Variants in ITGB3 observed in about 807,000 individuals in gnomAD.
ITGB3 encodes the protein integrin subunit beta 3.
ITGB3 carries 48 observed loss-of-function variants against 85.8 expected under a neutral mutation model. That is an observed-to-expected ratio of 0.56 (90% CI 0.44 to 0.71). ITGB3 has a LOEUF of 0.71. Among genes scored for constraint, ITGB3 ranks in the 30% least tolerant of loss-of-function variants. The pLI, the probability that ITGB3 is intolerant of heterozygous loss-of-function variation, is 0.00. For synonymous variants in ITGB3, 363 were observed against 395.6 expected, an observed-to-expected ratio of 0.92 and a Z score of 0.98; for missense variants, 861 against 1,019.1, an observed-to-expected ratio of 0.84 and a Z score of 2.11.
intron 1 of ITGB3, 126 bp downstream of exon 1, chr17:47,254,066 T>TC: frequency 1.8e-6 from 1 of 562,464 alleles, no homozygotes; most frequent in Non-Finnish European, 2.6e-6. Flanking sequence ...AATGCGCGTG[T>TC]CCTGGCTGGC....
chr17:47,288,209 A>AGAGAGAGAGAGG (rs2065110901), intron 6 of ITGB3, among the ~76,000 whole-genome samples: 1 of 102,032 alleles, frequency 9.8e-6, no homozygotes, highest in African/African-American at 4.4e-5. Flanking sequence ...TCTTAGAAAG[A>AGAGAGAGAGAGG]GAGAGAGAGA....
Position 47,284,647 on chromosome 17 carries a change from CA to C in ITGB3, c.567del (p.Tyr190ThrfsTer17), listed in dbSNP as rs758289890. The C allele has an allele frequency of 1.9e-6, 3 of 1,614,116 alleles. No individual in the cohort carries two copies. The highest frequency in any genetic ancestry group is 2.5e-6 in the Non-Finnish European group (3 of 1,180,010). ...GCATTTGTGGACAAGCCTGTGTCAC[CA>C]TACATGTATATCTCCCCACCAGAGG... ...FGAFVDKPVSPYMYISPPEAL... is the reference protein window; with the variant it reads ...FGAFVDKPVSXYMYISPPEAL... On this transcript the variant is annotated frameshift_variant, in exon 4 of 15. Transcript: ENST00000559488. LOFTEE classifies it high-confidence loss of function.
intron 1 of ITGB3, among the ~76,000 whole-genome samples, chr17:47,261,030 A>T (rs1183899667): frequency 1.3e-5 from 2 of 152,324 alleles, no homozygotes; most frequent in Non-Finnish European, 2.9e-5. Flanking sequence ...TACGGTTATT[A>T]ACTATAGTCA....
At position 47,256,477 on chromosome 17, in the gene ITGB3, C is replaced by T. The variant is rs111281236; in HGVS notation, c.79+2537C>T. Among the ~76,000 whole-genome samples, 357 of 151,452 alleles carry T rather than the reference C, an allele frequency of 2.4e-3. 2 individuals carry two copies. The highest frequency in any genetic ancestry group is 8.0e-3 in the African/African-American group (330 of 41,350). On this transcript the variant is annotated intron_variant, in intron 1 of 14. Coordinates refer to ENST00000559488, the MANE Select transcript of ITGB3 (RefSeq NM_000212.3). ...AAGTCAGACTTCCAGAGTAATACCC[C>T]CCCCCCCAACCTCACAAATCAGTTT... is the stretch of plus-strand genomic sequence containing the variant.
chr17:47,313,706 T>C lies in ITGB3; in HGVS notation c.*3502T>C, dbSNP rs2065225671. Among the ~76,000 whole-genome samples, 1 of 152,198 alleles carries C rather than the reference T, an allele frequency of 6.6e-6. No homozygotes were observed. The highest frequency in any genetic ancestry group is 1.5e-5 in the Non-Finnish European group (1 of 68,032). On this transcript the variant is annotated 3_prime_UTR_variant, in exon 15 of 15. Transcript: ENST00000559488. ...TCCTAACCACCTTCTCTGTTTGGGTTTGTGCAACAGTAAATTAAATGTACT... is the reference window on the plus strand; with the variant it reads ...TCCTAACCACCTTCTCTGTTTGGGTCTGTGCAACAGTAAATTAAATGTACT...
intron 12 of ITGB3, 56 bp downstream of exon 12, chr17:47,300,634 C>T: frequency 7.6e-7 from 1 of 1,322,078 alleles, no homozygotes; most frequent in Admixed American, 1.9e-5. Flanking sequence ...GTTTCTAATT[C>T]AATCCCAGAA....
At chr17:47,261,432 GT>G (rs938047884) in intron 1 of ITGB3, among the ~76,000 whole-genome samples, 2 of 150,816 alleles carry the variant, frequency 1.3e-5, no homozygotes, top group Non-Finnish European at 3.0e-5. Context: ...TTACTGCAGA[GT>G]TTTTTTCTAT....
intron 2 of ITGB3, among the ~76,000 whole-genome samples, chr17:47,277,245 C>A (rs1326514579): frequency 6.6e-6 from 1 of 152,176 alleles, no homozygotes; most frequent in Non-Finnish European, 1.5e-5. Flanking sequence ...TAGAACCTCC[C>A]AAACTCATTT....
rs138717970 is a variant in ITGB3 at position 47,257,899 on chromosome 17, G to T, written c.79+3959G>T. ...TCTCCTGGGAAGACCATAAGATGGG[G>T]CAAGCACACCACAGTGAGGAGGGGG... On this transcript the variant is annotated intron_variant, in intron 1 of 14. Coordinates refer to ENST00000559488, the MANE Select transcript of ITGB3 (RefSeq NM_000212.3). 1.5e-3 allele frequency among the ~76,000 whole-genome samples: 229 copies of T among 152,278 alleles called. 4 individuals carry two copies. The East Asian group carries it at 0.041, about 27-fold the overall frequency.
At chr17:47,305,734 A>C (rs1322949032) in intron 13 of ITGB3, 1 of 152,210 alleles carries the variant, frequency 6.6e-6, no homozygotes, top group Non-Finnish European at 1.5e-5. Context: ...AAATGTCATT[A>C]GGTTCACAGC....
At chr17:47,284,407 G>T in intron 3 of ITGB3, 36 bp from the exon 4 acceptor site, 1 of 1,613,602 alleles carries the variant, frequency 6.2e-7, no homozygotes, top group South Asian at 1.1e-5. Context: ...CTTGGTGGGA[G>T]AAGAAGATAA....
chr17:47,272,045 T>C (rs1202622256), intron 1 of ITGB3, among the ~76,000 whole-genome samples: 1 of 145,796 alleles, frequency 6.9e-6, no homozygotes, highest in Non-Finnish European at 1.5e-5. Flanking sequence ...ATGAGCCGCC[T>C]CACCGGGGCT....
chr17:47,299,200 G>T lies in ITGB3; in HGVS notation c.1691-108G>T. The T allele has an allele frequency of 9.1e-7, 1 of 1,095,892 alleles. No individual in the cohort carries two copies. The highest frequency in any genetic ancestry group is 2.4e-5 in the East Asian group (1 of 41,004). The allele number at this position is 1,095,892 out of a possible 1,614,324, so 67.9% of individuals were successfully genotyped here. ...TGAGCCAATTCCCTGCCAACCTGGA[G>T]GATCATTATCTGTGTGGTTGGGAGA... On this transcript the variant is annotated intron_variant, in intron 10 of 14. Transcript: ENST00000559488. This position sits in a 1 kb window ranked among gnomAD's most constrained non-coding sequence, Gnocchi z 5.1.
Position 47,290,271 on chromosome 17 carries a change from TG to T in ITGB3, c.1125+1del. The T allele has an allele frequency of 6.2e-7, 1 of 1,613,034 alleles. No individual in the cohort carries two copies. The highest frequency in any genetic ancestry group is 1.3e-5 in the African/African-American group (1 of 75,016). The part of the protein sequence containing the change: ...NVLQLIVDAY[G>X]KIRSKVELEV... ...TCCTCCAGCTCATTGTTGATGCTTA[TG>T]GGGTAAGTGTCTTGTGCTGGGAATA... is the stretch of plus-strand genomic sequence containing the variant. On this transcript the variant is annotated frameshift_variant and splice_region_variant, in exon 8 of 15. Transcript: ENST00000559488. LOFTEE classifies it high-confidence loss of function.
Position 47,265,060 on chromosome 17 carries a change from G to A in ITGB3, c.80-9359G>A, listed in dbSNP as rs567432763. On this transcript the variant is annotated intron_variant, in intron 1 of 14. Transcript: ENST00000559488. Reference sequence around the variant, plus strand: ...ACAGGTAGATGCTCAATGAATATTTGTCGAGTAAATGAATGAATGAATCAA... The same window carrying A: ...ACAGGTAGATGCTCAATGAATATTTATCGAGTAAATGAATGAATGAATCAA... Among the ~76,000 whole-genome samples the A allele has an allele frequency of 2.3e-3, 344 of 152,322 alleles. 1 individual carries two copies. Among genetic ancestry groups the A allele is most frequent in the Middle Eastern group, 0.01 (3 of 294 alleles).
rs2065219844 is a variant in ITGB3 at position 47,312,592 on chromosome 17, G to C, written c.*2388G>C. On this transcript the variant is annotated 3_prime_UTR_variant, in exon 15 of 15. Coordinates refer to ENST00000559488, the MANE Select transcript of ITGB3 (RefSeq NM_000212.3). ...GAGTGTTAATGGGACATTTTCTTTA[G>C]ATAAGATGTTTTATATGAAGAAACT... Among the ~76,000 whole-genome samples the C allele has an allele frequency of 6.6e-6, 1 of 152,180 alleles. No individual in the cohort carries two copies. Among genetic ancestry groups the C allele is most frequent in the African/African-American group, 2.4e-5 (1 of 41,430 alleles).
intron 2 of ITGB3, among the ~76,000 whole-genome samples, chr17:47,280,477 C>G (rs1249035761): frequency 1.3e-5 from 2 of 152,226 alleles, no homozygotes; most frequent in Non-Finnish European, 2.9e-5. Flanking sequence ...CCACTTCAGC[C>G]TCCTGAGTAG....
At position 47,292,380 on chromosome 17, in the gene ITGB3, A is replaced by C; in HGVS notation, c.1502A>C (p.Glu501Ala). The change falls in exon 10 of 15, where the codon GAG becomes GCG. Residue 501 changes from glutamate to alanine, a missense_variant. Glu to Ala is a moderately radical substitution (Grantham distance 107). Coordinates refer to ENST00000559488, the MANE Select transcript of ITGB3 (RefSeq NM_000212.3). ...GWLGSQCECS[E>A]EDYRPSQQDE... ...CTGGGATCCCAGTGTGAGTGCTCAG[A>C]GGAGGACTATCGCCCTTCCCAGCAG... 6.2e-7 allele frequency: 1 copy of C among 1,614,168 alleles called. No homozygotes were observed. Among genetic ancestry groups the C allele is most frequent in the Non-Finnish European group, 8.5e-7 (1 of 1,180,002 alleles).
At chr17:47,280,370 G>C (rs1330251839) in intron 2 of ITGB3, among the ~76,000 whole-genome samples, 1 of 152,022 alleles carries the variant, frequency 6.6e-6, no homozygotes, top group African/African-American at 2.4e-5. Context: ...TTTTGTTTTT[G>C]TTTTGAGGTG....
Sources: gnomAD v4.1 joint callset for allele counts (sites outside exome capture counted in the v4.1 genomes callset) on GRCh38, gnomAD v4.1.1 for gene constraint, Gnocchi (gnomAD v3.1) non-coding constraint, MANE v1.5 for transcripts, NCBI Gene and HGNC (gene_info 2026-07-23, HGNC 2026-07-21) for gene names.